Variants in LUZP2 observed in about 807,000 individuals in gnomAD.
LUZP2 encodes the protein leucine zipper protein 2.
LUZP2 carries 52 observed loss-of-function variants against 51.6 expected under a neutral mutation model. That is an observed-to-expected ratio of 1.01 (90% CI 0.81 to 1.27). The LOEUF (loss-of-function observed/expected upper bound fraction) is 1.27, where lower values mean the gene tolerates loss of function less well. Among genes scored for constraint, LUZP2 ranks in the 50% most tolerant of loss-of-function variants. The pLI is 0.00. For missense variants in LUZP2, 436 were observed against 395.4 expected, an observed-to-expected ratio of 1.10 and a Z score of -0.87; for synonymous variants, 154 against 137.3, an observed-to-expected ratio of 1.12 and a Z score of -0.85.
intron 1 of LUZP2, among the ~76,000 whole-genome samples, chr11:24,581,197 C>CAAAA (rs74259786): frequency 1.6e-4 from 11 of 70,246 alleles, no homozygotes; most frequent in African/African-American, 3.8e-4. Flanking sequence ...TTTCACTGGC[C>CAAAA]AAAAAAAAAA....
At chr11:24,879,508 T>C (rs1852385118) in intron 5 of LUZP2, among the ~76,000 whole-genome samples, 1 of 152,164 alleles carries the variant, frequency 6.6e-6, no homozygotes, top group Admixed American at 6.6e-5. Flanking sequence ...AATTCCACAA[T>C]AGTTGAACTA....
chr11:24,780,179 T>C (rs1849048044), intron 5 of LUZP2, among the ~76,000 whole-genome samples: 1 of 152,182 alleles, frequency 6.6e-6, no homozygotes, highest in Non-Finnish European at 1.5e-5. Flanking sequence ...TAATATTAAT[T>C]ACTTAAGTGT....
intron 1 of LUZP2, among the ~76,000 whole-genome samples, chr11:24,505,752 C>G (rs1340595155): frequency 6.6e-6 from 1 of 151,860 alleles, no homozygotes; most frequent in Non-Finnish European, 1.5e-5. Flanking sequence ...AATGTGGAAG[C>G]CAATTCTCTA....
intron 9 of LUZP2, among the ~76,000 whole-genome samples, chr11:25,039,780 A>G (rs2134004326): frequency 6.6e-6 from 1 of 152,224 alleles, no homozygotes. Context: ...TTTATTTTGT[A>G]ATTTTTAAAA....
In LUZP2 at chr11:24,874,534, C is replaced by T. The variant is rs544444800; in HGVS notation, c.397-31457C>T. Among the ~76,000 whole-genome samples the T allele has an allele frequency of 9.2e-5, 14 of 152,186 alleles. No individual in the cohort carries two copies. The South Asian group carries it at 1.9e-3, about 20-fold the overall frequency. On this transcript the variant is annotated intron_variant, in intron 5 of 11. Coordinates refer to ENST00000336930, the MANE Select transcript of LUZP2 (RefSeq NM_001009909.4). ...CCAATCCCACTGTGCCATGCTGCAC[C>T]GGATGTTGACCTCGGCCTGTACTTG...
At chr11:24,579,480 G>A (rs1000638487) in intron 1 of LUZP2, among the ~76,000 whole-genome samples, 1 of 151,976 alleles carries the variant, frequency 6.6e-6, no homozygotes, top group Non-Finnish European at 1.5e-5. Flanking sequence ...GCCCACCTCT[G>A]CACAATTGCA....
chr11:24,992,057 AAGCTCTTATCTATTGTG>A (rs1856364276), intron 9 of LUZP2, among the ~76,000 whole-genome samples: 1 of 152,012 alleles, frequency 6.6e-6, no homozygotes, highest in Non-Finnish European at 1.5e-5. Context: ...TGTGGTGCAA[AAGCTCTTATCTATTGTG>A]GTTCAGCATT....
chr11:24,897,777 AGTTT>A lies in LUZP2; in HGVS notation c.397-8209_397-8206del, dbSNP rs146695352. Among the ~76,000 whole-genome samples the A allele has an allele frequency of 4.1e-3, 626 of 152,148 alleles. 3 individuals are homozygous for A. The highest frequency in any genetic ancestry group is 0.014 in the African/African-American group (585 of 41,492). On this transcript the variant is annotated intron_variant, in intron 5 of 11. Transcript: ENST00000336930. ...TGCTTGTATGACTTGTTGGGAAAAT[AGTTT>A]GTTTATGTTTTTGTCCTTTTTTTAA... is the stretch of plus-strand genomic sequence containing the variant.
chr11:24,845,633 T>G (rs2134209390), intron 5 of LUZP2, among the ~76,000 whole-genome samples: 1 of 152,268 alleles, frequency 6.6e-6, no homozygotes, highest in Middle Eastern at 3.4e-3. Context: ...AGGAACTCAG[T>G]GGGACATGAT....
chr11:24,764,870 G>A (rs1397935414), intron 5 of LUZP2, among the ~76,000 whole-genome samples: 2 of 152,054 alleles, frequency 1.3e-5, no homozygotes, highest in Admixed American at 6.6e-5. Context: ...TTAATAACAA[G>A]TAACAAAATA....
chr11:24,737,010 G>A (rs956430487), intron 3 of LUZP2, among the ~76,000 whole-genome samples: 1 of 152,062 alleles, frequency 6.6e-6, no homozygotes, highest in Admixed American at 6.6e-5. Context: ...TTGGACATCA[G>A]TCTCAAGGCT....
chr11:24,687,363 TAAAC>T (rs1444615745), intron 1 of LUZP2, among the ~76,000 whole-genome samples: 1 of 151,978 alleles, frequency 6.6e-6, no homozygotes, highest in Non-Finnish European at 1.5e-5. Flanking sequence ...TCATTCTTGA[TAAAC>T]AAAGTATGAG....
chr11:24,716,770 A>G lies in LUZP2; in HGVS notation c.63-12399A>G, dbSNP rs905005484. On this transcript the variant is annotated intron_variant, in intron 1 of 11. Coordinates refer to ENST00000336930, the MANE Select transcript of LUZP2 (RefSeq NM_001009909.4). ...AATGTTCTGGGCATGATGGCAGGCA[A>G]CTGTAATCCCAGGTACTTGGGAGAC... Among the ~76,000 whole-genome samples the G allele has an allele frequency of 4.6e-5, 7 of 152,182 alleles. No individual in the cohort carries two copies. The East Asian group carries it at 1.2e-3, about 25-fold the overall frequency.
At chr11:24,790,953 T>C (rs1034757472) in intron 5 of LUZP2, among the ~76,000 whole-genome samples, 3 of 152,226 alleles carry the variant, frequency 2.0e-5, no homozygotes, top group Non-Finnish European at 4.4e-5. Context: ...ATGAGTGTCA[T>C]TGACCAATGT....
At chr11:25,067,214 C>A (rs1446725728) in intron 10 of LUZP2, among the ~76,000 whole-genome samples, 1 of 151,934 alleles carries the variant, frequency 6.6e-6, no homozygotes, top group Admixed American at 6.6e-5. Context: ...ATCCTTTGGC[C>A]ACTTTTTGAT....
chr11:24,526,766 T>A (rs564704718), intron 1 of LUZP2, among the ~76,000 whole-genome samples: 24 of 151,276 alleles, frequency 1.6e-4, no homozygotes, highest in Middle Eastern at 6.8e-3. Context: ...AGACCTTTCT[T>A]TGATCTTTTT....
intron 5 of LUZP2, among the ~76,000 whole-genome samples, chr11:24,838,487 C>A (rs1850925173): frequency 6.6e-6 from 1 of 151,652 alleles, no homozygotes; most frequent in South Asian, 2.1e-4. Flanking sequence ...ACTTTTCTCT[C>A]TGCATATATC....
chr11:24,832,634 G>T (rs1259041992), intron 5 of LUZP2, among the ~76,000 whole-genome samples: 1 of 151,254 alleles, frequency 6.6e-6, no homozygotes, highest in East Asian at 1.9e-4. Context: ...TAAAGTTTGA[G>T]ACACACTATA....
intron 7 of LUZP2, among the ~76,000 whole-genome samples, chr11:24,957,557 G>A (rs1855245650): frequency 1.3e-5 from 2 of 151,968 alleles, no homozygotes; most frequent in Non-Finnish European, 2.9e-5. Flanking sequence ...TCTGCTTTGA[G>A]TTTGTTTCAG....
Sources: allele counts gnomAD v4.1 joint callset (sites outside exome capture counted in the v4.1 genomes callset), GRCh38; gene constraint gnomAD v4.1.1; transcripts MANE v1.5; gene names NCBI Gene and HGNC (gene_info 2026-07-23, HGNC 2026-07-21).